The following VPS13B variants were observed in gnomAD, a reference collection of about 807,000 sequenced individuals.
VPS13B encodes vacuolar protein sorting 13 homolog B.
A neutral mutation model predicts 426.4 loss-of-function variants in VPS13B; 285 were observed. The ratio of observed to expected loss-of-function variants is 0.67; its 90% CI spans 0.61 to 0.74. The LOEUF (loss-of-function observed/expected upper bound fraction) is 0.74, where lower values mean the gene tolerates loss of function less well. Ranked by LOEUF, VPS13B falls within the 30% of genes least tolerant of loss-of-function variation. VPS13B has a pLI of 0.00. For missense variants in VPS13B, 4,537 were observed against 4,782.6 expected (o/e 0.95, Z 1.51); for synonymous variants, 1,676 against 1,676.4 (o/e 1.00, Z 0.01).
At chr8:99,488,825 C>G (rs953410687) in intron 25 of VPS13B, among the ~76,000 whole-genome samples, 1 of 152,128 alleles carries the variant, frequency 6.6e-6, no homozygotes, top group Admixed American at 6.5e-5. Flanking sequence ...TTCTCCCATT[C>G]TGTAGGTTGC....
intron 19 of VPS13B, among the ~76,000 whole-genome samples, chr8:99,371,988 C>T (rs1283377409): frequency 2.6e-5 from 4 of 152,026 alleles, no homozygotes; most frequent in Non-Finnish European, 4.4e-5. Context: ...ACACCAAAAG[C>T]AGCCTGTAAT....
intron 43 of VPS13B, among the ~76,000 whole-genome samples, chr8:99,800,385 A>G (rs1296414419): frequency 1.3e-5 from 2 of 152,144 alleles, no homozygotes; most frequent in Admixed American, 6.6e-5. Flanking sequence ...AAGAATGAAA[A>G]CAATAGATAT....
At chr8:99,507,355 C>A in intron 28 of VPS13B, 152 bp downstream of exon 28, 2 of 863,098 alleles carry the variant, frequency 2.3e-6, no homozygotes, top group Non-Finnish European at 3.6e-6. Context: ...AAATTTAAAG[C>A]TATTTATTCT....
At chr8:99,601,862 A>G (rs1827315867) in intron 33 of VPS13B, among the ~76,000 whole-genome samples, 1 of 152,044 alleles carries the variant, frequency 6.6e-6, no homozygotes, top group Non-Finnish European at 1.5e-5. Context: ...TTTCTTGTAA[A>G]TTTGTTTAAG....
At chr8:99,499,419 C>T (rs1049968383) in intron 25 of VPS13B, among the ~76,000 whole-genome samples, 7 of 152,086 alleles carry the variant, frequency 4.6e-5, no homozygotes, top group Non-Finnish European at 8.8e-5. Context: ...CTTAGTGATT[C>T]GAGATGTTAT....
chr8:99,874,914 G>T (rs1336204141), intron 61 of VPS13B: 1 of 156,434 alleles, frequency 6.4e-6, no homozygotes, highest in African/African-American at 2.4e-5. Flanking sequence ...CAGTTCAAAA[G>T]GTTTTTTAAT....
chr8:99,474,740 T>G (rs1303266893), intron 24 of VPS13B, among the ~76,000 whole-genome samples: 2 of 152,162 alleles, frequency 1.3e-5, no homozygotes, highest in Non-Finnish European at 2.9e-5. Context: ...ATACACCGCT[T>G]GTGAGAATGT....
intron 36 of VPS13B, among the ~76,000 whole-genome samples, chr8:99,711,484 G>T (rs920861622): frequency 2.0e-5 from 3 of 152,026 alleles, no homozygotes; most frequent in Admixed American, 6.6e-5. Context: ...GATCAGTGCT[G>T]GTAGGCCTGA....
At chr8:99,033,414 A>G (rs941922479) in intron 2 of VPS13B, among the ~76,000 whole-genome samples, 1 of 152,140 alleles carries the variant, frequency 6.6e-6, no homozygotes, top group African/African-American at 2.4e-5. Flanking sequence ...CAGTTTGACT[A>G]TGATATATTT....
intron 19 of VPS13B, among the ~76,000 whole-genome samples, chr8:99,300,442 T>C (rs2133069772): frequency 6.6e-6 from 1 of 152,332 alleles, no homozygotes; most frequent in East Asian, 1.9e-4. Flanking sequence ...AATTGCAACA[T>C]GGTAACATTG....
chr8:99,845,311 G>A (rs905498856), intron 54 of VPS13B, among the ~76,000 whole-genome samples: 1 of 152,084 alleles, frequency 6.6e-6, no homozygotes, highest in Non-Finnish European at 1.5e-5. Flanking sequence ...CCAGGTTGAG[G>A]GAAAGTCCAT....
At chr8:99,789,923 T>G (rs79848733) in intron 43 of VPS13B, among the ~76,000 whole-genome samples, 6,965 of 152,180 alleles carry the variant, frequency 0.046, 171 homozygotes, top group African/African-American at 0.061. Context: ...GGTGATATTA[T>G]TCTATTTTTG....
intron 51 of VPS13B, among the ~76,000 whole-genome samples, chr8:99,824,399 C>T (rs575106818): frequency 6.6e-6 from 1 of 152,318 alleles, no homozygotes. Context: ...AGCCGTGGAT[C>T]TGCGAGCAGT....
chr8:99,812,713 C>T (rs576265720), intron 44 of VPS13B, among the ~76,000 whole-genome samples: 1 of 152,306 alleles, frequency 6.6e-6, no homozygotes, highest in East Asian at 1.9e-4. Flanking sequence ...ACCTTTACTA[C>T]TCTAAAATCT....
intron 2 of VPS13B, among the ~76,000 whole-genome samples, chr8:99,031,616 C>T (rs1324883584): frequency 1.3e-5 from 2 of 152,108 alleles, no homozygotes; most frequent in Non-Finnish European, 2.9e-5. Context: ...CTTTTTTCCT[C>T]ATTGGGTGCA....
At chr8:99,481,967 A>G (rs991286514) in intron 25 of VPS13B, among the ~76,000 whole-genome samples, 165 bp downstream of exon 25, 1 of 152,146 alleles carries the variant, frequency 6.6e-6, no homozygotes, top group Non-Finnish European at 1.5e-5. Context: ...TTTTAGCTAC[A>G]AGAATTTCTG....
intron 44 of VPS13B, among the ~76,000 whole-genome samples, chr8:99,815,785 G>T: frequency 6.6e-6 from 1 of 152,214 alleles, no homozygotes; most frequent in East Asian, 1.9e-4. Context: ...ATTCACCACC[G>T]TATTAAATTT....
rs545218797 is a variant in VPS13B at position 99,175,856 on chromosome 8, C to G, written c.2333+5693C>G. ...CATTCAGAGCTGATAGAAATGTAAA[C>G]AAACATAAAGATGCAGTATTAAATC... On this transcript the variant is annotated intron_variant, in intron 16 of 61. Transcript: ENST00000357162. Among the ~76,000 whole-genome samples the G allele has an allele frequency of 1.3e-4, 20 of 152,278 alleles. No homozygotes were observed. The South Asian group carries it at 4.1e-3, about 32-fold the overall frequency.
intron 33 of VPS13B, among the ~76,000 whole-genome samples, chr8:99,638,232 CATG>C (rs1245214040): frequency 1.3e-5 from 2 of 152,054 alleles, no homozygotes; most frequent in Non-Finnish European, 2.9e-5. Flanking sequence ...GGAAAACTAA[CATG>C]ATGTTTCCTC....
Sources: allele counts gnomAD v4.1 joint callset (sites outside exome capture counted in the v4.1 genomes callset), GRCh38; gene constraint gnomAD v4.1.1; transcripts MANE v1.5; gene names NCBI Gene and HGNC (gene_info 2026-07-23, HGNC 2026-07-21).